The following DNAJB4 variants were observed in gnomAD, a reference collection of about 807,000 sequenced individuals.
The protein encoded by DNAJB4 is DnaJ heat shock protein family (Hsp40) member B4.
Under a neutral mutation model 26.6 loss-of-function variants are expected in DNAJB4, and 10 were observed. That is an observed-to-expected ratio of 0.38 (90% CI 0.23 to 0.64). The LOEUF is 0.64. Among genes scored for constraint, DNAJB4 ranks in the 30% least tolerant of loss-of-function variants. The pLI is 0.58. For missense variants in DNAJB4, 328 were observed against 408.2 expected, an observed-to-expected ratio of 0.80 and a Z score of 1.69; for synonymous variants, 136 against 134.8, an observed-to-expected ratio of 1.01 and a Z score of -0.06.
intron 1 of DNAJB4, among the ~76,000 whole-genome samples, chr1:77,985,805 T>G (rs1187621557): frequency 6.6e-6 from 1 of 152,064 alleles, no homozygotes; most frequent in Non-Finnish European, 1.5e-5. Context: ...TTTATTCAAT[T>G]CAACAAAAAT....
intron 1 of DNAJB4, among the ~76,000 whole-genome samples, chr1:77,984,231 T>C (rs1659739128): frequency 6.6e-6 from 1 of 152,208 alleles, no homozygotes; most frequent in African/African-American, 2.4e-5. Context: ...AAAATCCTCC[T>C]TATCCCTTCA....
At chr1:77,986,543 C>G (rs942773027) in intron 1 of DNAJB4, among the ~76,000 whole-genome samples, 2 of 152,194 alleles carry the variant, frequency 1.3e-5, no homozygotes, top group Non-Finnish European at 2.9e-5. Context: ...TCCCACTCCC[C>G]TTTGTCTTTT....
At chr1:77,993,526 G>C (rs955618946) in intron 1 of DNAJB4, among the ~76,000 whole-genome samples, 1 of 152,084 alleles carries the variant, frequency 6.6e-6, no homozygotes, top group African/African-American at 2.4e-5. Flanking sequence ...ACGTTGGCCA[G>C]GCTGGTCTCG....
At chr1:77,991,988 C>T (rs1045788280) in intron 1 of DNAJB4, among the ~76,000 whole-genome samples, 2 of 152,196 alleles carry the variant, frequency 1.3e-5, no homozygotes, top group Non-Finnish European at 2.9e-5. Context: ...TGACCAGAGC[C>T]TGGCAGGAAC....
At chr1:77,982,728 G>A (rs559844736) in intron 1 of DNAJB4, among the ~76,000 whole-genome samples, 11 of 152,336 alleles carry the variant, frequency 7.2e-5, no homozygotes, top group South Asian at 2.1e-4. Context: ...AACCCGGGAC[G>A]GGGAGGTTGC....
At chr1:77,998,293 C>T (rs1359717845) in intron 1 of DNAJB4, among the ~76,000 whole-genome samples, 2 of 152,114 alleles carry the variant, frequency 1.3e-5, no homozygotes, top group Non-Finnish European at 2.9e-5. Context: ...ATGATAACCA[C>T]CTTTTTAAAC....
In DNAJB4 at chr1:78,013,252, G is replaced by T; in HGVS notation, c.413G>T (p.Ser138Ile). 6.2e-7 allele frequency: 1 copy of T among 1,614,192 alleles called. No individual in the cohort carries two copies. Among genetic ancestry groups the T allele is most frequent in the African/African-American group, 1.3e-5 (1 of 75,062 alleles). The change falls in exon 2 of 3, where the codon AGC (serine) becomes ATC (isoleucine). Residue 138 changes from serine (S) to isoleucine (I), a missense_variant. Transcript: ENST00000370763. The part of the protein sequence containing the change: ...DGDPFSAFGF[S>I]MNGYPRDRNS... ...GATCCTTTTAGTGCCTTTGGTTTCA[G>T]CATGAATGGATATCCAAGAGACAGG...
At chr1:77,987,695 C>G (rs920336055) in intron 1 of DNAJB4, among the ~76,000 whole-genome samples, 2 of 152,094 alleles carry the variant, frequency 1.3e-5, no homozygotes, top group Non-Finnish European at 2.9e-5. Flanking sequence ...TTTTTCCTCA[C>G]ATTCCCTGTT....
In DNAJB4 at chr1:78,016,228, A is replaced by T; in HGVS notation, c.995A>T (p.Lys332Ile). The T allele has an allele frequency of 6.2e-7, 1 of 1,613,768 alleles. No homozygotes were observed. The highest frequency in any genetic ancestry group is 8.5e-7 in the Non-Finnish European group (1 of 1,179,748). Residue 332 changes from lysine (K) to isoleucine (I), a missense_variant, in exon 3 of 3, where the codon AAA becomes ATA. By Grantham distance (102) the Lys-to-Ile change is moderately radical (BLOSUM62 -3). Transcript: ENST00000370763. ...ISSSSKEVLR[K>I]HLPAS Reference sequence around the variant, plus strand: ...TCTTCATCCAAAGAAGTACTTAGGAAACATCTTCCTGCCTCATAGAATGAA... The same window carrying T: ...TCTTCATCCAAAGAAGTACTTAGGATACATCTTCCTGCCTCATAGAATGAA...
chr1:78,009,714 CT>C (rs930807244), intron 1 of DNAJB4, among the ~76,000 whole-genome samples: 1 of 151,852 alleles, frequency 6.6e-6, no homozygotes, highest in Admixed American at 6.6e-5. Flanking sequence ...GGATTTTTTT[CT>C]TTTTTTTGTT....
At chr1:77,984,209 A>C (rs903181660) in intron 1 of DNAJB4, among the ~76,000 whole-genome samples, 3 of 152,202 alleles carry the variant, frequency 2.0e-5, no homozygotes, top group Admixed American at 6.5e-5. Context: ...TTGTTTCTGC[A>C]TTCATCCTGT....
At chr1:78,009,275 G>A (rs778416604) in intron 1 of DNAJB4, among the ~76,000 whole-genome samples, 2 of 152,122 alleles carry the variant, frequency 1.3e-5, no homozygotes, top group Non-Finnish European at 2.9e-5. Context: ...AGTTATTAAA[G>A]TATTATCATG....
At chr1:77,995,505 A>C (rs980852151) in intron 1 of DNAJB4, among the ~76,000 whole-genome samples, 1 of 152,174 alleles carries the variant, frequency 6.6e-6, no homozygotes, top group Non-Finnish European at 1.5e-5. Flanking sequence ...CTTGAAGTGC[A>C]GTGGTGTCGT....
intron 1 of DNAJB4, among the ~76,000 whole-genome samples, chr1:77,989,417 A>G (rs192954410): frequency 8.9e-4 from 135 of 152,312 alleles, no homozygotes; most frequent in African/African-American, 3.0e-3. Flanking sequence ...CCTTCAGACA[A>G]CTTGTTAGAA....
At chr1:78,003,846 A>T (rs756693980), upstream of DNAJB4, among the ~76,000 whole-genome samples, 6 of 152,230 alleles carry the variant, frequency 3.9e-5, no homozygotes, top group Non-Finnish European at 7.4e-5. Context: ...GCAAATAACC[A>T]TGAAGATTTA....
chr1:77,996,866 C>T (rs560119902), intron 1 of DNAJB4, among the ~76,000 whole-genome samples: 1 of 152,222 alleles, frequency 6.6e-6, no homozygotes, highest in Non-Finnish European at 1.5e-5. Flanking sequence ...TTATTTGAGA[C>T]AGGATCTCCC....
intron 1 of DNAJB4, among the ~76,000 whole-genome samples, chr1:78,011,560 C>T (rs1193866741): frequency 6.7e-6 from 1 of 150,146 alleles, no homozygotes; most frequent in Non-Finnish European, 1.5e-5. Flanking sequence ...TCTTGGCTCA[C>T]TGTAACCTCT....
intron 1 of DNAJB4, among the ~76,000 whole-genome samples, chr1:77,986,208 C>A (rs148172546): frequency 7.3e-4 from 111 of 152,222 alleles, no homozygotes; most frequent in African/African-American, 2.5e-3. Context: ...GGTTACAGCC[C>A]GGGAACTTCA....
intron 1 of DNAJB4, among the ~76,000 whole-genome samples, chr1:77,983,068 C>T (rs1256763432): frequency 6.6e-6 from 1 of 152,140 alleles, no homozygotes; most frequent in African/African-American, 2.4e-5. Context: ...GTGGGTGTTT[C>T]TCGAAGAGGG....
Sources: gnomAD v4.1 joint callset for allele counts (sites outside exome capture counted in the v4.1 genomes callset) on GRCh38, gnomAD v4.1.1 for gene constraint, MANE v1.5 for transcripts, NCBI Gene and HGNC (gene_info 2026-07-23, HGNC 2026-07-21) for gene names.